Variants in SNX8 observed in about 807,000 individuals in gnomAD.
SNX8 encodes sorting nexin-8.
Under a neutral mutation model 51.6 loss-of-function variants are expected in SNX8, and 25 were observed. The ratio of observed to expected loss-of-function variants is 0.48; its 90% confidence interval spans 0.35 to 0.68. The LOEUF is 0.68. SNX8 is among the 30% of genes least tolerant of loss of function. SNX8 has a pLI of 0.00. For synonymous variants in SNX8, 324 were observed against 277.0 expected (o/e 1.17, Z -1.68); for missense variants, 695 against 624.0 (o/e 1.11, Z -1.21).
At chr7:2,273,704 C>T (rs1795704395) in intron 3 of SNX8, among the ~76,000 whole-genome samples, 1 of 150,878 alleles carries the variant, frequency 6.6e-6, no homozygotes, top group Admixed American at 6.6e-5. Flanking sequence ...GAGATTGAGA[C>T]CATCCTGGCT....
At chr7:2,293,623 T>C (rs368470252) in intron 1 of SNX8, among the ~76,000 whole-genome samples, 2 of 149,812 alleles carry the variant, frequency 1.3e-5, no homozygotes, top group South Asian at 4.2e-4. Flanking sequence ...GATAGCGCCA[T>C]TGTACTCCAG....
At chr7:2,333,363 C>T (rs778720718) in intron 1 of SNX8, among the ~76,000 whole-genome samples, 1 of 152,036 alleles carries the variant, frequency 6.6e-6, no homozygotes, top group Non-Finnish European at 1.5e-5. Flanking sequence ...AGATCAAGAA[C>T]ATCCTGGCAA....
chr7:2,300,040 C>T (rs1455984368), intron 1 of SNX8, among the ~76,000 whole-genome samples: 3 of 152,138 alleles, frequency 2.0e-5, no homozygotes, highest in Non-Finnish European at 4.4e-5. Flanking sequence ...GAAAATGTAA[C>T]GCCTCAGAAG....
At chr7:2,310,176 C>A (rs1796633153) in intron 1 of SNX8, among the ~76,000 whole-genome samples, 1 of 152,068 alleles carries the variant, frequency 6.6e-6, no homozygotes, top group Admixed American at 6.6e-5. Flanking sequence ...GGCTGGACGA[C>A]CAAGCACACT....
chr7:2,296,581 G>C (rs1446219662), intron 1 of SNX8, among the ~76,000 whole-genome samples: 1 of 151,960 alleles, frequency 6.6e-6, no homozygotes, highest in Non-Finnish European at 1.5e-5. Context: ...TCTCTTGCCT[G>C]ATTGCTATAT....
At chr7:2,296,401 A>C (rs551388234) in intron 1 of SNX8, among the ~76,000 whole-genome samples, 2 of 152,150 alleles carry the variant, frequency 1.3e-5, no homozygotes, top group South Asian at 4.1e-4. Context: ...GGCAGATAGC[A>C]TGCTACTGAT....
intron 1 of SNX8, among the ~76,000 whole-genome samples, chr7:2,343,414 G>A (rs574786002): frequency 3.3e-5 from 5 of 151,786 alleles, no homozygotes; most frequent in South Asian, 4.2e-4. Flanking sequence ...GGTGGCTCAC[G>A]CCTGTAATCC....
chr7:2,288,347 TAAAAAAAA>T, intron 1 of SNX8: 1 of 120,506 alleles, frequency 8.3e-6, no homozygotes, highest in East Asian at 2.4e-4. Flanking sequence ...AAGACTGTCT[TAAAAAAAA>T]AAAAAAAAAA....
At chr7:2,307,166 C>T (rs971043982) in intron 1 of SNX8, among the ~76,000 whole-genome samples, 1 of 151,646 alleles carries the variant, frequency 6.6e-6, no homozygotes, top group Non-Finnish European at 1.5e-5. Flanking sequence ...TGAACACACA[C>T]CCCTCCTCAG....
chr7:2,326,327 T>C (rs1778620851), intron 1 of SNX8, among the ~76,000 whole-genome samples: 1 of 151,236 alleles, frequency 6.6e-6, no homozygotes, highest in Non-Finnish European at 1.5e-5. Context: ...ATCATGCCAC[T>C]GAACTCCAGC....
intron 1 of SNX8, among the ~76,000 whole-genome samples, chr7:2,342,707 T>C (rs1380296070): frequency 6.6e-6 from 1 of 151,546 alleles, no homozygotes. Flanking sequence ...ATCACGTAAG[T>C]GGAGATGAGA....
rs547269994 is a variant in SNX8, at chr7:2,266,098, C to G, written c.622-1640G>C. ...CACCACTGCACTATAGCCTAGAGGACAGAGCAAGACCTTGTCTCAAAAAAT... is the reference window on the plus strand; with the variant it reads ...CACCACTGCACTATAGCCTAGAGGAGAGAGCAAGACCTTGTCTCAAAAAAT... On this transcript the variant is annotated intron_variant, in intron 5 of 10. Coordinates refer to ENST00000222990, the MANE Select transcript of SNX8 (RefSeq NM_013321.4). Among the ~76,000 whole-genome samples the G allele has an allele frequency of 2.6e-5, 4 of 152,306 alleles. No individual in the cohort carries two copies. The South Asian group carries it at 8.3e-4, about 32-fold the overall frequency.
chr7:2,312,490 T>G, intron 1 of SNX8, among the ~76,000 whole-genome samples: 1 of 152,078 alleles, frequency 6.6e-6, no homozygotes, highest in East Asian at 1.9e-4. Context: ...AATGTTCTAA[T>G]CAGCGAGAAC....
At chr7:2,343,543 C>G (rs1289043225) in intron 1 of SNX8, among the ~76,000 whole-genome samples, 2 of 151,874 alleles carry the variant, frequency 1.3e-5, no homozygotes, top group African/African-American at 4.8e-5. Flanking sequence ...GGTGTGGTGG[C>G]GTGCACCTGT....
intron 1 of SNX8, among the ~76,000 whole-genome samples, chr7:2,294,499 T>C (rs1325990643): frequency 6.6e-6 from 1 of 152,090 alleles, no homozygotes; most frequent in Admixed American, 6.6e-5. Flanking sequence ...GTGATCTCAT[T>C]TTACAGATGC....
chr7:2,256,765 A>C, intron 10 of SNX8, 109 bp downstream of exon 10: 2 of 1,133,992 alleles, frequency 1.8e-6, no homozygotes, highest in Non-Finnish European at 2.4e-6. Flanking sequence ...CAACTCCACT[A>C]AAGAACCTCT....
intron 1 of SNX8, among the ~76,000 whole-genome samples, chr7:2,293,037 T>C (rs1435003429): frequency 2.7e-5 from 4 of 150,758 alleles, no homozygotes; most frequent in African/African-American, 9.7e-5. Context: ...AATAAGTAAA[T>C]ACATAACAAA....
rs768321398 is a variant in SNX8, at chr7:2,278,247, G to T, written c.153C>A (p.Pro51=). The change falls in exon 2 of 11, where the codon CCC becomes CCA. Residue 51 remains proline (P), a synonymous_variant. Transcript: ENST00000222990. ...TCCCCTGCGGCATCTGCATTCGACT[G>T]GGGGCTGGGACCTGCTGCACGATGG... The part of the protein sequence containing the change: ...PQAIVQQVPA[P]SRMQMPQGNP... 6.2e-7 allele frequency: 1 copy of T among 1,610,190 alleles called. No homozygotes were observed. The highest frequency in any genetic ancestry group is 8.5e-7 in the Non-Finnish European group (1 of 1,177,356).
At chr7:2,301,148 C>T (rs1046608885) in intron 1 of SNX8, among the ~76,000 whole-genome samples, 6 of 152,202 alleles carry the variant, frequency 3.9e-5, no homozygotes, top group African/African-American at 1.4e-4. Flanking sequence ...AAGGTCTGTG[C>T]AACTATCTCC....
Sources: allele counts gnomAD v4.1 joint callset (sites outside exome capture counted in the v4.1 genomes callset), GRCh38; gene constraint gnomAD v4.1.1; transcripts MANE v1.5; gene names NCBI Gene and HGNC (gene_info 2026-07-23, HGNC 2026-07-21).